The following CADM2 variants were observed in gnomAD, a reference collection of about 807,000 sequenced individuals.
CADM2 encodes cell adhesion molecule 2.
In CADM2, 12 loss-of-function variants were observed where a neutral mutation model predicts 49.8. The observed-to-expected ratio is 0.24, with a 90% CI of 0.15 to 0.39. The LOEUF (loss-of-function observed/expected upper bound fraction) is 0.39, where lower values mean the gene tolerates loss of function less well. Among genes scored for constraint, CADM2 ranks in the 10% least tolerant of loss-of-function variants. CADM2 has a pLI of 1.00. For synonymous variants in CADM2, 214 were observed against 175.4 expected, an observed-to-expected ratio of 1.22 and a Z score of -1.74; for missense variants, 378 against 492.3, an observed-to-expected ratio of 0.77 and a Z score of 2.20.
intron 1 of CADM2, among the ~76,000 whole-genome samples, chr3:85,475,069 G>C (rs999345834): frequency 6.6e-6 from 1 of 151,904 alleles, no homozygotes; most frequent in Non-Finnish European, 1.5e-5. Context: ...AAAGCAACCA[G>C]GGAGGTGGTG....
At chr3:85,385,613 T>G (rs2034178213) in intron 1 of CADM2, 1 of 152,094 alleles carries the variant, frequency 6.6e-6, no homozygotes, top group African/African-American at 2.4e-5. Context: ...AGCAATTTAT[T>G]TGAGTGATCC....
intron 2 of CADM2, among the ~76,000 whole-genome samples, chr3:85,769,212 T>C (rs1251476198): frequency 1.7e-5 from 2 of 119,576 alleles, no homozygotes; most frequent in Non-Finnish European, 3.1e-5. Context: ...CATATATACA[T>C]ATATAGTATA....
At chr3:85,144,605 C>T (rs2039676525) in intron 1 of CADM2, among the ~76,000 whole-genome samples, 2 of 80,134 alleles carry the variant, frequency 2.5e-5, no homozygotes, top group Admixed American at 1.5e-4. Flanking sequence ...GAGTGAGACT[C>T]CATCTCAAAA....
At chr3:85,918,081 C>T (rs1222253408) in intron 6 of CADM2, among the ~76,000 whole-genome samples, 1 of 152,150 alleles carries the variant, frequency 6.6e-6, no homozygotes, top group Admixed American at 6.6e-5. Context: ...TCTAGATATA[C>T]AATCATGTCA....
At chr3:85,108,784 GA>G (rs575813154) in intron 1 of CADM2, among the ~76,000 whole-genome samples, 30 of 151,948 alleles carry the variant, frequency 2.0e-4, no homozygotes, top group Admixed American at 9.2e-4. Context: ...ATTTGAATTA[GA>G]AAAAAACATG....
In CADM2 at chr3:85,252,856, C is replaced by G. The variant is rs371349653; in HGVS notation, c.61+293188C>G. Among the ~76,000 whole-genome samples, 274 of 152,108 alleles carry G rather than the reference C, an allele frequency of 1.8e-3. 1 individual carries two copies. Among genetic ancestry groups the G allele is most frequent in the African/African-American group, 6.3e-3 (263 of 41,542 alleles). On this transcript the variant is annotated intron_variant, in intron 1 of 9. Transcript: ENST00000383699. ...TCCTTGAATCTGACTGCTAACAAAC[C>G]TGTCACCTAACTTAATGACATCATC...
At chr3:85,995,031 A>G (rs904780830) in intron 8 of CADM2, among the ~76,000 whole-genome samples, 9 of 151,410 alleles carry the variant, frequency 5.9e-5, no homozygotes, top group African/African-American at 2.2e-4. Flanking sequence ...AAAAAAAAAA[A>G]AAATCATTAT....
chr3:85,133,906 C>A (rs2039324906), intron 1 of CADM2, among the ~76,000 whole-genome samples: 2 of 152,210 alleles, frequency 1.3e-5, no homozygotes, highest in Non-Finnish European at 2.9e-5. Flanking sequence ...CGCCGTGGAG[C>A]AGGGGGCGGC....
At chr3:85,716,497 T>C (rs1372531185) in intron 1 of CADM2, among the ~76,000 whole-genome samples, 1 of 152,216 alleles carries the variant, frequency 6.6e-6, no homozygotes, top group Non-Finnish European at 1.5e-5. Flanking sequence ...CTTCAGAAGT[T>C]CTTTCATTTA....
At chr3:85,970,597 T>A (rs1252498474) in intron 8 of CADM2, among the ~76,000 whole-genome samples, 1 of 151,554 alleles carries the variant, frequency 6.6e-6, no homozygotes, top group Non-Finnish European at 1.5e-5. Context: ...AATTTTTATT[T>A]AACTAAACTT....
At chr3:85,821,303 G>A (rs746584339) in intron 3 of CADM2, among the ~76,000 whole-genome samples, 2 of 152,078 alleles carry the variant, frequency 1.3e-5, no homozygotes, top group Admixed American at 1.3e-4. Flanking sequence ...AATCTTACTA[G>A]GGGAATGGCA....
chr3:85,079,928 A>G (rs368441775), intron 1 of CADM2, among the ~76,000 whole-genome samples: 20 of 151,986 alleles, frequency 1.3e-4, no homozygotes, highest in Middle Eastern at 3.2e-3. Context: ...ATGATGAAGG[A>G]TGTACTATCA....
At chr3:85,111,936 G>A (rs570881873) in intron 1 of CADM2, among the ~76,000 whole-genome samples, 1 of 151,708 alleles carries the variant, frequency 6.6e-6, no homozygotes, top group Non-Finnish European at 1.5e-5. Context: ...ACTCCAAATG[G>A]TGACTGAAAT....
chr3:86,018,098 A>G (rs1420632664), intron 8 of CADM2, among the ~76,000 whole-genome samples: 10 of 124,318 alleles, frequency 8.0e-5, no homozygotes, highest in Non-Finnish European at 1.5e-4. Flanking sequence ...TCATTGTTCA[A>G]TTCCCACCTA....
chr3:85,359,666 A>ATATATATATATATATTTTTTT lies in CADM2; in HGVS notation c.62-366855_62-366854insATATATATATATATTTTTTTT. On this transcript the variant is annotated intron_variant, in intron 1 of 9. Transcript: ENST00000383699. The stretch of plus-strand genomic sequence containing the variant: ...TATATATATATATATATATATATAT[A>ATATATATATATATATTTTTTT]TTTTTTTTTTTGGTGGAGGGGAGAA... 3.5e-3 allele frequency among the ~76,000 whole-genome samples: 94 copies of ATATATATATATATATTTTTTT among 26,518 alleles called. 4 individuals are homozygous for ATATATATATATATATTTTTTT. Among genetic ancestry groups the ATATATATATATATATTTTTTT allele is most frequent in the Non-Finnish European group, 5.1e-3 (63 of 12,292 alleles). 17.4% of individuals were successfully genotyped at this position (26,518 alleles called of 152,430 possible).
intron 1 of CADM2, among the ~76,000 whole-genome samples, chr3:85,500,273 C>A (rs375547006): frequency 1.3e-5 from 2 of 151,302 alleles, no homozygotes; most frequent in South Asian, 2.1e-4. Flanking sequence ...TATATTTTTT[C>A]AGGAATCATA....
chr3:85,955,824 A>C (rs577831146), intron 7 of CADM2, among the ~76,000 whole-genome samples: 7 of 151,732 alleles, frequency 4.6e-5, no homozygotes, highest in African/African-American at 1.7e-4. Context: ...TTTTCTAAAA[A>C]AAATCTGTTC....
At chr3:85,648,974 T>G (rs1305450756) in intron 1 of CADM2, among the ~76,000 whole-genome samples, 1 of 152,098 alleles carries the variant, frequency 6.6e-6, no homozygotes, top group African/African-American at 2.4e-5. Context: ...ATTATTTTGA[T>G]GATTTATGTT....
At chr3:85,634,288 C>T (rs574900380) in intron 1 of CADM2, among the ~76,000 whole-genome samples, 18 of 152,056 alleles carry the variant, frequency 1.2e-4, no homozygotes, top group Non-Finnish European at 1.6e-4. Context: ...GAATTTCAAA[C>T]GTGAATTTCA....
Sources: allele counts gnomAD v4.1 joint callset (sites outside exome capture counted in the v4.1 genomes callset), GRCh38; gene constraint gnomAD v4.1.1; transcripts MANE v1.5; gene names NCBI Gene and HGNC (gene_info 2026-07-23, HGNC 2026-07-21).